The following FSTL4 variants were observed in gnomAD, a reference collection of about 807,000 sequenced individuals.
FSTL4 encodes follistatin like 4.
In FSTL4, 28 loss-of-function variants were observed where a neutral mutation model predicts 78.2. The ratio of observed to expected loss-of-function variants is 0.36; its 90% CI spans 0.27 to 0.49. FSTL4 has a LOEUF of 0.49. FSTL4 is among the 20% of genes least tolerant of loss of function. The pLI is 0.98. For missense variants in FSTL4, 922 were observed against 1,084.9 expected, an observed-to-expected ratio of 0.85 and a Z score of 2.11; for synonymous variants, 422 against 440.5, an observed-to-expected ratio of 0.96 and a Z score of 0.53.
chr5:133,455,512 C>T (rs1757470676), intron 3 of FSTL4, among the ~76,000 whole-genome samples: 1 of 152,050 alleles, frequency 6.6e-6, no homozygotes, highest in South Asian at 2.1e-4. Context: ...TCATTGATTA[C>T]ATTTCTTAAC....
chr5:133,319,803 C>A (rs1288949540), intron 4 of FSTL4, among the ~76,000 whole-genome samples: 1 of 152,218 alleles, frequency 6.6e-6, no homozygotes, highest in African/African-American at 2.4e-5. Context: ...AATCTTAAAT[C>A]CTTCTTTACC....
the FSTL4 span, among the ~76,000 whole-genome samples, chr5:133,634,796 A>G: frequency 2.0e-5 from 3 of 152,178 alleles, no homozygotes. Flanking sequence ...TAAGGTTCTC[A>G]TGCCTGTTCC....
the FSTL4 span, among the ~76,000 whole-genome samples, chr5:133,651,125 A>AT: frequency 3.7e-3 from 565 of 151,834 alleles, 2 homozygotes; most frequent in African/African-American, 0.012. Flanking sequence ...AGTTCCAGGA[A>AT]TTTTTTTTTG....
the FSTL4 span, among the ~76,000 whole-genome samples, chr5:133,713,994 T>C: frequency 6.6e-6 from 1 of 152,266 alleles, no homozygotes; most frequent in East Asian, 1.9e-4. Flanking sequence ...AGGGTTTTTC[T>C]CACAGCAACA....
intron 3 of FSTL4, among the ~76,000 whole-genome samples, chr5:133,429,439 T>G (rs933038420): frequency 6.6e-6 from 1 of 152,072 alleles, no homozygotes; most frequent in Non-Finnish European, 1.5e-5. Context: ...ACCCCAGGAC[T>G]GCCTGGTACC....
intron 6 of FSTL4, among the ~76,000 whole-genome samples, chr5:133,288,771 G>T (rs1051241679): frequency 6.6e-6 from 1 of 152,182 alleles, no homozygotes; most frequent in Non-Finnish European, 1.5e-5. Flanking sequence ...CTATCCGAGT[G>T]GCAGCCCCTG....
intron 6 of FSTL4, among the ~76,000 whole-genome samples, chr5:133,260,584 G>A (rs1006642525): frequency 7.2e-5 from 11 of 152,054 alleles, no homozygotes; most frequent in East Asian, 1.9e-4. Context: ...ACAGCCTCCC[G>A]GCCCCTCTCT....
At chr5:133,734,026 A>G in the FSTL4 span, among the ~76,000 whole-genome samples, 4 of 152,392 alleles carry the variant, frequency 2.6e-5, no homozygotes, top group East Asian at 7.7e-4. Context: ...GAGAGAGCAC[A>G]AAGTGTAAAG....
intron 14 of FSTL4, chr5:133,202,507 T>C (rs982219850): frequency 2.6e-5 from 4 of 152,690 alleles, no homozygotes; most frequent in African/African-American, 9.7e-5. Context: ...ATCATGAAAA[T>C]GTCACGTGGT....
In FSTL4 at chr5:133,405,707, G is replaced by A. The variant is rs1021211139; in HGVS notation, c.161-4721C>T. On this transcript the variant is annotated intron_variant, in intron 3 of 15. Transcript: ENST00000265342. ...CCTCACACGTGGCAAGGTGGTCCAG[G>A]GACAGAGAGTGCCTGTCAGTGTCGA... Among the ~76,000 whole-genome samples the A allele has an allele frequency of 4.1e-4, 62 of 152,290 alleles. 2 individuals carry two copies. The South Asian group carries it at 4.2e-3, about 10-fold the overall frequency.
chr5:133,834,929 T>G, the FSTL4 span, among the ~76,000 whole-genome samples: 1 of 152,092 alleles, frequency 6.6e-6, no homozygotes. Flanking sequence ...GGGTTATGAG[T>G]GAATTTTTTC....
chr5:133,575,915 C>T (rs1023642926), intron 2 of FSTL4, among the ~76,000 whole-genome samples: 9 of 152,194 alleles, frequency 5.9e-5, no homozygotes, highest in Admixed American at 3.3e-4. Flanking sequence ...AACCTTTCTA[C>T]GAGTTTGACA....
intron 3 of FSTL4, among the ~76,000 whole-genome samples, chr5:133,542,662 T>C (rs985367616): frequency 2.6e-5 from 4 of 152,230 alleles, no homozygotes; most frequent in African/African-American, 9.6e-5. Context: ...TTTTTATTTC[T>C]ACTGAAGTGA....
intron 8 of FSTL4, among the ~76,000 whole-genome samples, chr5:133,230,681 G>A (rs1056852552): frequency 6.6e-6 from 1 of 152,080 alleles, no homozygotes; most frequent in Admixed American, 6.5e-5. Context: ...GTGCCCCTGC[G>A]TCTCCCCAGT....
chr5:133,372,269 G>GTATGTATGTATCTATC (rs143392836), intron 4 of FSTL4, among the ~76,000 whole-genome samples: 1,819 of 142,924 alleles, frequency 0.013, 15 homozygotes, highest in Non-Finnish European at 0.017. Context: ...ATGTATGTAT[G>GTATGTATGTATCTATC]TATCTATCTA....
At chr5:133,537,468 A>G (rs924383120) in intron 3 of FSTL4, among the ~76,000 whole-genome samples, 2 of 152,188 alleles carry the variant, frequency 1.3e-5, no homozygotes, top group Admixed American at 1.3e-4. Context: ...TTATTAAAAG[A>G]TATTAGTTAT....
the FSTL4 span, among the ~76,000 whole-genome samples, chr5:133,683,631 A>G: frequency 3.3e-5 from 5 of 152,202 alleles, no homozygotes; most frequent in Admixed American, 3.3e-4. Flanking sequence ...TCATGCTAAT[A>G]CATATTCCTA....
the FSTL4 span, among the ~76,000 whole-genome samples, chr5:133,677,479 G>A: frequency 1.3e-5 from 2 of 152,208 alleles, no homozygotes; most frequent in African/African-American, 4.8e-5. Flanking sequence ...AATGCTTTGT[G>A]CAGAAAGACC....
intron 3 of FSTL4, among the ~76,000 whole-genome samples, chr5:133,558,406 T>G (rs915551995): frequency 1.3e-5 from 2 of 152,124 alleles, no homozygotes; most frequent in African/African-American, 4.8e-5. Context: ...ATCACTGGCT[T>G]GCAGTACATG....
Sources: allele counts gnomAD v4.1 joint callset (sites outside exome capture counted in the v4.1 genomes callset), GRCh38; gene constraint gnomAD v4.1.1; transcripts MANE v1.5; gene names NCBI Gene and HGNC (gene_info 2026-07-23, HGNC 2026-07-21).